The following KALRN variants were observed in gnomAD, a reference collection of about 807,000 sequenced individuals.
KALRN encodes the protein kalirin.
In KALRN, 70 loss-of-function variants were observed where a neutral mutation model predicts 353.7. The ratio of observed to expected loss-of-function variants is 0.20; its 90% confidence interval spans 0.16 to 0.24. KALRN has a LOEUF of 0.24. Among genes scored for constraint, KALRN ranks in the 10% least tolerant of loss-of-function variants. KALRN has a pLI of 1.00. For synonymous variants in KALRN, 1,391 were observed against 1,434.8 expected (o/e 0.97, Z 0.69); for missense variants, 2,791 against 3,756.7 (o/e 0.74, Z 6.72).
intron 3 of KALRN, among the ~76,000 whole-genome samples, chr3:124,253,471 A>G (rs754379): frequency 0.34 from 51,360 of 152,040 alleles, 10,004 homozygotes; most frequent in East Asian, 0.67. Flanking sequence ...GCAGGTACTA[A>G]AGGCTGCCCA....
chr3:124,128,188 C>CTAACT (rs879292182), intron 1 of KALRN, among the ~76,000 whole-genome samples: 3 of 152,164 alleles, frequency 2.0e-5, no homozygotes, highest in Non-Finnish European at 4.4e-5. Flanking sequence ...ATGTGTCACA[C>CTAACT]TAACTTTTCT....
intron 50 of KALRN, among the ~76,000 whole-genome samples, chr3:124,678,795 C>T (rs913176374): frequency 6.6e-6 from 1 of 152,176 alleles, no homozygotes; most frequent in Non-Finnish European, 1.5e-5. Flanking sequence ...ACAACATCAA[C>T]TTCAGGCCAT....
At chr3:124,643,224 G>T (rs1055511870) in intron 37 of KALRN, among the ~76,000 whole-genome samples, 2 of 152,068 alleles carry the variant, frequency 1.3e-5, no homozygotes, top group African/African-American at 4.8e-5. Flanking sequence ...TGTTGCCCGG[G>T]CTGGTCTCAA....
intron 1 of KALRN, among the ~76,000 whole-genome samples, chr3:124,192,027 T>C (rs1237535521): frequency 6.6e-6 from 1 of 152,236 alleles, no homozygotes; most frequent in Non-Finnish European, 1.5e-5. Flanking sequence ...AGTGACCCCC[T>C]AGGGGACTAC....
chr3:124,347,040 G>A lies in KALRN; in HGVS notation c.1648-103G>A, dbSNP rs12496590. 8.0e-3 allele frequency: 12,357 copies of A among 1,537,832 alleles called. 460 individuals are homozygous for A. In the East Asian group the frequency reaches 0.12, roughly 15 times the overall value. ...CACCTGAACTGCTGCTTTACAACTG[G>A]GATGGGATATAGGGGTGGTTAGGAC... is the stretch of plus-strand genomic sequence containing the variant. On this transcript the variant is annotated intron_variant, in intron 9 of 59. Transcript: ENST00000682506.
In KALRN at chr3:124,143,891, T is replaced by A. The variant is rs1231009767; in HGVS notation, c.74-84099T>A. Among the ~76,000 whole-genome samples, 7 of 152,278 alleles carry A rather than the reference T, an allele frequency of 4.6e-5. No homozygotes were observed. In the South Asian group the frequency reaches 1.5e-3, roughly 32 times the overall value. On this transcript the variant is annotated intron_variant, in intron 1 of 59. Coordinates refer to ENST00000682506, the MANE Select transcript of KALRN (RefSeq NM_001388419.1). Reference sequence around the variant, plus strand: ...ATAAATAAATTTTAAAAAAGCCAGTTTTCATTTTAGAACAGGATAATCTGA... The same window carrying A: ...ATAAATAAATTTTAAAAAAGCCAGTATTCATTTTAGAACAGGATAATCTGA...
At chr3:124,293,042 G>T (rs887246045) in intron 5 of KALRN, among the ~76,000 whole-genome samples, 1 of 152,146 alleles carries the variant, frequency 6.6e-6, no homozygotes, top group Admixed American at 6.5e-5. Flanking sequence ...TTTTATTTTG[G>T]AATTGACTGG....
chr3:124,490,413 G>A (rs1446347392), intron 29 of KALRN, among the ~76,000 whole-genome samples: 1 of 152,166 alleles, frequency 6.6e-6, no homozygotes, highest in Non-Finnish European at 1.5e-5. Flanking sequence ...GTGGGTGTGT[G>A]AAGGTGTGAG....
At chr3:124,123,699 G>T (rs2064303980) in intron 1 of KALRN, among the ~76,000 whole-genome samples, 1 of 152,208 alleles carries the variant, frequency 6.6e-6, no homozygotes, top group African/African-American at 2.4e-5. Flanking sequence ...TCACTGTCTG[G>T]CTTGAAAGGA....
intron 57 of KALRN, among the ~76,000 whole-genome samples, chr3:124,706,408 G>A (rs2062615808): frequency 6.6e-6 from 1 of 152,238 alleles, no homozygotes; most frequent in Admixed American, 6.5e-5. Context: ...GCAGAAAGCA[G>A]AGGGCTCTTT....
chr3:124,446,955 G>A, intron 21 of KALRN, 70 bp downstream of exon 21: 3 of 1,571,568 alleles, frequency 1.9e-6, no homozygotes, highest in Non-Finnish European at 1.7e-6. Context: ...TCACATTATG[G>A]AAGCAAAGAC....
At chr3:124,395,426 A>G in intron 12 of KALRN, 83 bp downstream of exon 12, 1 of 1,218,398 alleles carries the variant, frequency 8.2e-7, no homozygotes, top group South Asian at 1.3e-5. Context: ...ACTCAGCAAA[A>G]TCTTGCTTTG....
chr3:124,278,366 T>C (rs533572553), intron 5 of KALRN, among the ~76,000 whole-genome samples: 27 of 151,324 alleles, frequency 1.8e-4, no homozygotes, highest in Non-Finnish European at 3.5e-4. Flanking sequence ...ATGGAGGTGG[T>C]CCAAGCAAAA....
At chr3:124,537,134 C>T (rs556984413) in intron 33 of KALRN, among the ~76,000 whole-genome samples, 25 of 152,248 alleles carry the variant, frequency 1.6e-4, no homozygotes, top group East Asian at 3.9e-4. Flanking sequence ...CTCCACCTCC[C>T]GGTTTCAGGC....
intron 37 of KALRN, among the ~76,000 whole-genome samples, chr3:124,642,268 A>C (rs1205245874): frequency 6.6e-6 from 1 of 150,910 alleles, no homozygotes; most frequent in Non-Finnish European, 1.5e-5. Context: ...TGGGGTGACA[A>C]AGCAAGACTG....
In KALRN at chr3:124,657,816, C is replaced by G. The variant is rs367933842; in HGVS notation, c.6036+13C>G. On this transcript the variant is annotated intron_variant, in intron 41 of 59. Coordinates refer to ENST00000682506, the MANE Select transcript of KALRN (RefSeq NM_001388419.1). ...CTTTATTAAGCACGTGAGTGTCTCC[C>G]ATCACCTCCTCCCCAACTCCTTCAC... The G allele has an allele frequency of 1.0e-5, 16 of 1,569,550 alleles. 1 individual carries two copies. Among genetic ancestry groups the G allele is most frequent in the Middle Eastern group, 1.7e-4 (1 of 5,988 alleles).
chr3:124,668,043 G>GACACACACAC lies in KALRN; in HGVS notation c.6703+902_6703+911dup, dbSNP rs55672121. ...GAAAACACATATGCCTGTATATCGAGACACACACACACACACACACACACA... is the reference window on the plus strand; with the variant it reads ...GAAAACACATATGCCTGTATATCGAGACACACACACACACACACACACACACACACACACA... On this transcript the variant is annotated intron_variant, in intron 47 of 59. Coordinates refer to ENST00000682506, the MANE Select transcript of KALRN (RefSeq NM_001388419.1). 8.8e-3 allele frequency among the ~76,000 whole-genome samples: 1,216 copies of GACACACACAC among 138,358 alleles called. 12 individuals are homozygous for GACACACACAC. The highest frequency in any genetic ancestry group is 0.018 in the African/African-American group (649 of 36,910). The allele number at this position is 138,358 out of a possible 152,430, so 90.8% of individuals were successfully genotyped here. A position where few individuals can be genotyped will look rare whatever the true frequency, so the allele number is the denominator to read the frequency against.
chr3:124,447,322 G>A (rs1411562819), intron 21 of KALRN, among the ~76,000 whole-genome samples: 1 of 152,166 alleles, frequency 6.6e-6, no homozygotes. Flanking sequence ...CACAAAACAG[G>A]TGAATTTCTC....
chr3:124,089,869 C>T (rs2061016503), intron 1 of KALRN, among the ~76,000 whole-genome samples: 1 of 152,120 alleles, frequency 6.6e-6, no homozygotes, highest in South Asian at 2.1e-4. Flanking sequence ...TATCCACCCC[C>T]ACCACTGCTT....
Sources: gnomAD v4.1 joint callset for allele counts (sites outside exome capture counted in the v4.1 genomes callset) on GRCh38, gnomAD v4.1.1 for gene constraint, MANE v1.5 for transcripts, NCBI Gene and HGNC (gene_info 2026-07-23, HGNC 2026-07-21) for gene names.